L3MBTL4: variants seen among roughly 807,000 people sequenced by gnomAD.
L3MBTL4 encodes lethal(3)malignant brain tumor-like protein 4.
In L3MBTL4, 70 loss-of-function variants were observed where a neutral mutation model predicts 84.5. That is an observed-to-expected ratio of 0.83 (90% CI 0.68 to 1.01). L3MBTL4 has a LOEUF of 1.01. L3MBTL4 is among the 50% of genes least tolerant of loss of function. L3MBTL4 has a pLI of 0.00. For missense variants in L3MBTL4, 715 were observed against 754.8 expected, an observed-to-expected ratio of 0.95 and a Z score of 0.62; for synonymous variants, 274 against 259.8, an observed-to-expected ratio of 1.05 and a Z score of -0.52.
At chr18:6,030,564 C>G in intron 16 of L3MBTL4, 1 of 791,186 alleles carries the variant, frequency 1.3e-6, no homozygotes. Context: ...TACAGTGGCA[C>G]GATCTCAGCT....
intron 1 of L3MBTL4, among the ~76,000 whole-genome samples, chr18:6,390,805 T>G (rs987202061): frequency 2.0e-5 from 3 of 152,086 alleles, no homozygotes; most frequent in Admixed American, 2.0e-4. Context: ...AACAGACCAA[T>G]AACAAGCAGT....
intron 14 of L3MBTL4, among the ~76,000 whole-genome samples, chr18:6,103,250 A>T (rs1387011211): frequency 6.6e-6 from 1 of 152,250 alleles, no homozygotes; most frequent in East Asian, 1.9e-4. Context: ...TTACTAACTC[A>T]ATTGAAACAA....
chr18:6,218,881 A>C (rs2046433262), intron 10 of L3MBTL4, among the ~76,000 whole-genome samples: 1 of 152,156 alleles, frequency 6.6e-6, no homozygotes, highest in South Asian at 2.1e-4. Flanking sequence ...CCATGCACAC[A>C]GCAGTGCAGC....
intron 1 of L3MBTL4, among the ~76,000 whole-genome samples, chr18:6,338,258 G>A (rs1268764309): frequency 6.6e-6 from 1 of 151,900 alleles, no homozygotes; most frequent in Non-Finnish European, 1.5e-5. Flanking sequence ...GTGGAGAGGA[G>A]AGGAGAGAGT....
chr18:6,382,645 T>C (rs2054640466), intron 1 of L3MBTL4, among the ~76,000 whole-genome samples: 1 of 152,334 alleles, frequency 6.6e-6, no homozygotes, highest in Middle Eastern at 3.4e-3. Flanking sequence ...CAGCAGAGGC[T>C]GCAGAACAGC....
At chr18:6,236,968 A>G (rs1391727145) in intron 10 of L3MBTL4, among the ~76,000 whole-genome samples, 1 of 152,150 alleles carries the variant, frequency 6.6e-6, no homozygotes, top group Non-Finnish European at 1.5e-5. Flanking sequence ...CCCTTACTCT[A>G]CATTTCTTTC....
At chr18:6,383,524 T>C (rs1211933421) in intron 1 of L3MBTL4, among the ~76,000 whole-genome samples, 1 of 152,146 alleles carries the variant, frequency 6.6e-6, no homozygotes, top group African/African-American at 2.4e-5. Context: ...GCACAGTTCC[T>C]CAGGCTCAGT....
At chr18:6,189,795 T>C (rs2044978228) in intron 12 of L3MBTL4, among the ~76,000 whole-genome samples, 2 of 151,904 alleles carry the variant, frequency 1.3e-5, no homozygotes, top group African/African-American at 4.8e-5. Context: ...AAAAGGCAAG[T>C]GGCATAAAAG....
chr18:5,994,620 C>T (rs937397123), intron 16 of L3MBTL4, among the ~76,000 whole-genome samples: 4 of 152,106 alleles, frequency 2.6e-5, no homozygotes, highest in Non-Finnish European at 5.9e-5. Flanking sequence ...TCTCCACTAA[C>T]GCTGGCTCCC....
At chr18:6,391,677 A>G (rs1159869372) in intron 1 of L3MBTL4, among the ~76,000 whole-genome samples, 1 of 151,916 alleles carries the variant, frequency 6.6e-6, no homozygotes, top group African/African-American at 2.4e-5. Flanking sequence ...TAGCACCACT[A>G]AATACCAACA....
intron 12 of L3MBTL4, among the ~76,000 whole-genome samples, chr18:6,208,811 A>T (rs896925116): frequency 8.5e-5 from 13 of 152,252 alleles, no homozygotes; most frequent in African/African-American, 3.1e-4. Context: ...ATAAACGCTT[A>T]TTAGAGAGCA....
intron 16 of L3MBTL4, chr18:6,029,315 A>G (rs2055662656): frequency 2.6e-6 from 1 of 388,434 alleles, no homozygotes; most frequent in Admixed American, 6.4e-5. Context: ...ACACTATTAT[A>G]AAGTAATTAA....
At chr18:6,342,674 A>C (rs1279677198) in intron 1 of L3MBTL4, among the ~76,000 whole-genome samples, 1 of 152,136 alleles carries the variant, frequency 6.6e-6, no homozygotes. Flanking sequence ...GGAACAAATA[A>C]ATAAACTACA....
At chr18:6,054,298 A>T (rs569499793) in intron 16 of L3MBTL4, among the ~76,000 whole-genome samples, 2 of 152,108 alleles carry the variant, frequency 1.3e-5, no homozygotes, top group Non-Finnish European at 2.9e-5. Flanking sequence ...ATTAGGAGGC[A>T]GTGCAGGATG....
rs142747716 is a variant in L3MBTL4 at position 6,065,807 on chromosome 18, T to C, written c.1444+15074A>G. 3.0e-3 allele frequency among the ~76,000 whole-genome samples: 464 copies of C among 152,188 alleles called. 1 individual carries two copies. The highest frequency in any genetic ancestry group is 4.7e-3 in the Non-Finnish European group (318 of 67,954). ...TTGTTTATCTTTTCAAAGAACCAGCTCTTAGTTTCATTTATCTTTTGTAAT... is the reference window on the plus strand; with the variant it reads ...TTGTTTATCTTTTCAAAGAACCAGCCCTTAGTTTCATTTATCTTTTGTAAT... On this transcript the variant is annotated intron_variant, in intron 16 of 18. Coordinates refer to ENST00000317931, the MANE Select transcript of L3MBTL4 (RefSeq NM_001330559.2).
chr18:5,961,965 G>A (rs112208009), intron 17 of L3MBTL4, among the ~76,000 whole-genome samples: 6 of 152,156 alleles, frequency 3.9e-5, no homozygotes, highest in Admixed American at 1.3e-4. Context: ...GCCTGGCTCC[G>A]TCATTCCTCA....
At chr18:6,347,128 T>C (rs1189706423) in intron 1 of L3MBTL4, among the ~76,000 whole-genome samples, 1 of 152,022 alleles carries the variant, frequency 6.6e-6, no homozygotes, top group Non-Finnish European at 1.5e-5. Flanking sequence ...ATACTTAAAT[T>C]TGCAGAAACA....
In L3MBTL4 at chr18:6,062,659, C is replaced by A. The variant is rs2057265508; in HGVS notation, c.1444+18222G>T. Among the ~76,000 whole-genome samples, 3 of 151,916 alleles carry A rather than the reference C, an allele frequency of 2.0e-5. No homozygotes were observed. In the South Asian group the frequency reaches 6.2e-4, roughly 31 times the overall value. On this transcript the variant is annotated intron_variant, in intron 16 of 18. Coordinates refer to ENST00000317931, the MANE Select transcript of L3MBTL4 (RefSeq NM_001330559.2). ...ACAGTTCTCACAGTTCACGGATATT[C>A]TGTAATGTCTTTTTCATCTTTTTTT... is the stretch of plus-strand genomic sequence containing the variant.
intron 16 of L3MBTL4, among the ~76,000 whole-genome samples, chr18:6,079,529 T>C (rs972624458): frequency 6.6e-6 from 1 of 152,256 alleles, no homozygotes; most frequent in Non-Finnish European, 1.5e-5. Flanking sequence ...AGAGATTTCA[T>C]CTTTCACAGT....
Sources: gnomAD v4.1 joint callset for allele counts (sites outside exome capture counted in the v4.1 genomes callset) on GRCh38, gnomAD v4.1.1 for gene constraint, MANE v1.5 for transcripts, NCBI Gene and HGNC (gene_info 2026-07-23, HGNC 2026-07-21) for gene names.